Variants in MEGF6 observed in about 807,000 individuals in gnomAD.
MEGF6 encodes multiple EGF like domains 6, also known as multiple epidermal growth factor-like domains protein 6.
MEGF6 carries 184 observed loss-of-function variants against 207.1 expected under a neutral mutation model. The observed-to-expected ratio is 0.89, with a 90% CI of 0.79 to 1.00. MEGF6 has a LOEUF of 1.00. MEGF6 is among the 50% of genes least tolerant of loss of function. The pLI is 0.00. For synonymous variants in MEGF6, 1,038 were observed against 910.0 expected, an observed-to-expected ratio of 1.14 and a Z score of -2.53; for missense variants, 2,282 against 2,202.9, an observed-to-expected ratio of 1.04 and a Z score of -0.72.
In MEGF6 at chr1:3,488,173, G is replaced by A. The variant is rs145505744; in HGVS notation, c.*2355C>T. Among the ~76,000 whole-genome samples the A allele has an allele frequency of 1.2e-4, 19 of 152,174 alleles. No individual in the cohort carries two copies. The highest frequency in any genetic ancestry group is 4.1e-4 in the African/African-American group (17 of 41,508). The stretch of plus-strand genomic sequence containing the variant: ...ATGGTCAGGAGTTTGTTTTTCCGTC[G>A]TCATTTGTAACCGTTAACATTAGGA... On this transcript the variant is annotated 3_prime_UTR_variant, in exon 37 of 37. Transcript: ENST00000356575.
Position 3,602,567 on chromosome 1 carries a change from C to T in MEGF6, c.165G>A (p.Leu55=). The stretch of plus-strand genomic sequence containing the variant: ...GCACGCACGGCTGGCGGCGGCCCAC[C>T]AGGGTCAGCTCCTGCTCAGCACACA... ...PHVCAEQELT[L]VGRRQPCVQA... The change falls in exon 2 of 37, where the codon CTG becomes CTA. Residue 55 remains leucine, a synonymous_variant. Transcript: ENST00000356575. 6.2e-7 allele frequency: 1 copy of T among 1,612,172 alleles called. No homozygotes were observed.
intron 4 of MEGF6, chr1:3,531,085 C>T: frequency 1.3e-6 from 2 of 1,523,798 alleles, no homozygotes; most frequent in Middle Eastern, 2.1e-4. Flanking sequence ...CCCACCTGGC[C>T]TCTGGTCACC....
intron 1 of MEGF6, 150 bp from the exon 2 acceptor site, chr1:3,602,750 C>T (rs1644181144): frequency 7.3e-6 from 9 of 1,228,426 alleles, no homozygotes; most frequent in Non-Finnish European, 9.9e-6. Context: ...CATGCCAGTG[C>T]CCCAGGCCAG....
intron 1 of MEGF6, among the ~76,000 whole-genome samples, chr1:3,603,491 G>A (rs1043584871): frequency 4.6e-5 from 7 of 152,124 alleles, no homozygotes; most frequent in African/African-American, 1.7e-4. Context: ...CGTCTGGGGG[G>A]CCTCAGAGGA....
At position 3,499,126 on chromosome 1, in the gene MEGF6, G is replaced by A. The variant is rs776975675; in HGVS notation, c.3094+12C>T. On this transcript the variant is annotated intron_variant, in intron 24 of 36. Transcript: ENST00000356575. ...CTGGACCCCGGTCCCTGGACTCCTA[G>A]ATGTGGCTTACCCTGCAGGCAGGAG... 1.4e-5 allele frequency: 23 copies of A among 1,602,576 alleles called. No homozygotes were observed. The East Asian group carries it at 4.9e-4, about 34-fold the overall frequency.
rs546896064 is a variant in MEGF6, at chr1:3,497,108, C to T, written c.3493G>A (p.Gly1165Ser). The change falls in exon 28 of 37, where the codon GGC becomes AGC. Residue 1165 changes from glycine (G) to serine (S), a missense_variant. Gly to Ser is a moderately conservative substitution (Grantham distance 56, BLOSUM62 0). Coordinates refer to ENST00000356575, the MANE Select transcript of MEGF6 (RefSeq NM_001409.4). ...TGCGCACAGTCCTCCCCAAAGCTGC[C>T]GGGTGGGCAGGCTGGGTGGAGACAG... The part of the protein sequence containing the change: ...GSGCEQACPP[G>S]SFGEDCAQMC... The T allele has an allele frequency of 1.1e-5, 18 of 1,572,154 alleles. No individual in the cohort carries two copies. In the South Asian group the frequency reaches 1.5e-4, roughly 13 times the overall value.
chr1:3,589,241 C>A (rs900786700), intron 3 of MEGF6, among the ~76,000 whole-genome samples: 4 of 152,154 alleles, frequency 2.6e-5, no homozygotes, highest in African/African-American at 9.7e-5. Context: ...CAGGAGCAGG[C>A]ACAGCCTTGC....
At chr1:3,552,779 C>T (rs1383620664) in intron 4 of MEGF6, among the ~76,000 whole-genome samples, 4 of 152,174 alleles carry the variant, frequency 2.6e-5, no homozygotes, top group African/African-American at 7.2e-5. Context: ...GGGAAAGGGC[C>T]GCTGTGCTCA....
chr1:3,509,164 T>A lies in MEGF6; in HGVS notation c.1439A>T (p.Glu480Val). 1 of 1,583,856 alleles carries A rather than the reference T, an allele frequency of 6.3e-7. No individual in the cohort carries two copies. Among genetic ancestry groups the A allele is most frequent in the East Asian group, 2.3e-5 (1 of 42,974 alleles). ...GTCATCCTGGAAGAGTTGCGGCAGC[T>A]CGTCCTGGAGCACGGCAATGTGGGG... ...PLPHIAVLQDELPQLFQDDDV... is the reference protein window; with the variant it reads ...PLPHIAVLQDVLPQLFQDDDV... Residue 480 changes from glutamate to valine, a missense_variant, in exon 12 of 37, where the codon GAG (glutamate) becomes GTG (valine). Glu to Val is a moderately radical substitution (Grantham distance 121). Transcript: ENST00000356575.
At chr1:3,566,014 C>A (rs1313068927) in intron 4 of MEGF6, among the ~76,000 whole-genome samples, 1 of 152,192 alleles carries the variant, frequency 6.6e-6, no homozygotes, top group African/African-American at 2.4e-5. Context: ...CGGTGGGTGA[C>A]CTCCCCCAGC....
At chr1:3,531,010 G>A in intron 4 of MEGF6, 5 of 1,418,586 alleles carry the variant, frequency 3.5e-6, no homozygotes, top group Non-Finnish European at 1.8e-6. Flanking sequence ...TTTAAAAACA[G>A]GAAACAAAGG....
chr1:3,525,047 G>A (rs949092861), intron 4 of MEGF6, among the ~76,000 whole-genome samples: 3 of 152,210 alleles, frequency 2.0e-5, no homozygotes, highest in African/African-American at 4.8e-5. Context: ...TCTATAGTTT[G>A]TAGCCACCCC....
chr1:3,546,076 G>A (rs879482675), intron 4 of MEGF6, among the ~76,000 whole-genome samples: 1 of 152,250 alleles, frequency 6.6e-6, no homozygotes, highest in African/African-American at 2.4e-5. Flanking sequence ...TCTCCCAGGG[G>A]CCAGGCTGCC....
Position 3,497,357 on chromosome 1 carries a change from G to A in MEGF6, c.3357C>T (p.Cys1119=), listed in dbSNP as rs375540319. The change falls in exon 27 of 37, where the codon TGC becomes TGT. Residue 1119 remains cysteine (C), a synonymous_variant. Coordinates refer to ENST00000356575, the MANE Select transcript of MEGF6 (RefSeq NM_001409.4). ...GWTGDKCQSP[C]LRGWFGEACA... is the part of the protein sequence containing the mutation. ...AGGCCTCTCCAAACCAGCCCCGCAG[G>A]CAGGCTGCAGAAAGATGAGGGCTGC... 446 of 1,543,070 alleles carry A rather than the reference G, an allele frequency of 2.9e-4. 5 individuals are homozygous for A. The East Asian group carries it at 9.7e-3, about 33-fold the overall frequency.
At chr1:3,539,827 G>A (rs540183407) in intron 4 of MEGF6, among the ~76,000 whole-genome samples, 40 of 152,166 alleles carry the variant, frequency 2.6e-4, no homozygotes, top group African/African-American at 6.5e-4. Flanking sequence ...GATGGCTCCC[G>A]GGCCAGGCCA....
At chr1:3,587,260 G>A (rs1193500641) in intron 3 of MEGF6, among the ~76,000 whole-genome samples, 1 of 152,242 alleles carries the variant, frequency 6.6e-6, no homozygotes, top group African/African-American at 2.4e-5. Context: ...TCAGCTGCTG[G>A]AAAGGGCTGT....
At chr1:3,550,376 C>G (rs1214120475) in intron 4 of MEGF6, among the ~76,000 whole-genome samples, 1 of 152,174 alleles carries the variant, frequency 6.6e-6, no homozygotes, top group Non-Finnish European at 1.5e-5. Flanking sequence ...CGAGAGGTCA[C>G]ACAGTGTAGG....
rs1373294804 is a variant in MEGF6 at position 3,565,805 on chromosome 1, G to C, written c.481+14020C>G. ...AACAGAAGTGCGTGTGGACATCCAG[G>C]TGCCTTCCAACTCTGCTCCAGCCAC... On this transcript the variant is annotated intron_variant, in intron 4 of 36. Transcript: ENST00000356575. This position sits in a 1 kb window ranked among gnomAD's most constrained non-coding sequence, Gnocchi z 4.8. 2.6e-5 allele frequency among the ~76,000 whole-genome samples: 4 copies of C among 152,122 alleles called. No individual in the cohort carries two copies. The highest frequency in any genetic ancestry group is 1.5e-5 in the Non-Finnish European group (1 of 68,008).
At chr1:3,546,172 C>A (rs542894294) in intron 4 of MEGF6, among the ~76,000 whole-genome samples, 1 of 152,290 alleles carries the variant, frequency 6.6e-6, no homozygotes, top group East Asian at 1.9e-4. Context: ...CTTGGGGCCC[C>A]CACTGCCACC....
Sources: gnomAD v4.1 joint callset for allele counts (sites outside exome capture counted in the v4.1 genomes callset) on GRCh38, gnomAD v4.1.1 for gene constraint, Gnocchi (gnomAD v3.1) non-coding constraint, MANE v1.5 for transcripts, NCBI Gene and HGNC (gene_info 2026-07-23, HGNC 2026-07-21) for gene names.